PCDHA8: variants seen among roughly 807,000 people sequenced by gnomAD.
PCDHA8 encodes the protein protocadherin alpha-8.
Under a neutral mutation model 61.8 loss-of-function variants are expected in PCDHA8, and 53 were observed. That is an observed-to-expected ratio of 0.86 (90% CI 0.69 to 1.08). The LOEUF (loss-of-function observed/expected upper bound fraction) is 1.08, where lower values mean the gene tolerates loss of function less well. Among genes scored for constraint, PCDHA8 ranks in the 50% least tolerant of loss-of-function variants. The pLI is 0.00. For missense variants in PCDHA8, 1,293 were observed against 1,245.0 expected, an observed-to-expected ratio of 1.04 and a Z score of -0.58; for synonymous variants, 618 against 556.6, an observed-to-expected ratio of 1.11 and a Z score of -1.55.
chr5:140,843,040 T>C lies in PCDHA8; in HGVS notation c.1719T>C (p.Thr573=), dbSNP rs2150350832. 22 of 1,595,034 alleles carry C rather than the reference T, an allele frequency of 1.4e-5. 3 individuals are homozygous for C. The highest frequency in any genetic ancestry group is 1.2e-4 in the Admixed American group (7 of 59,274). The change falls in exon 1 of 4, where the codon ACT becomes ACC. Residue 573 remains threonine, a synonymous_variant. Coordinates refer to ENST00000531613, the MANE Select transcript of PCDHA8 (RefSeq NM_018911.3). ...TGCTGGAGCCTCGGGTGGGTGGCACTGGTGGCGCAGCGAGCAAGCTGGTGC... is the reference window on the plus strand; with the variant it reads ...TGCTGGAGCCTCGGGTGGGTGGCACCGGTGGCGCAGCGAGCAAGCTGGTGC... ...PALLEPRVGG[T]GGAASKLVPR...
chr5:140,993,177 C>A lies in PCDHA8; in HGVS notation c.2542+10614C>A, dbSNP rs551395516. ...CTAAATATTTGCCTTTGGGAAATTTCTTTAGAGGGAAACTCACTAAAGCTA... is the reference window on the plus strand; with the variant it reads ...CTAAATATTTGCCTTTGGGAAATTTATTTAGAGGGAAACTCACTAAAGCTA... On this transcript the variant is annotated intron_variant, in intron 3 of 3. Transcript: ENST00000531613. 6.6e-5 allele frequency among the ~76,000 whole-genome samples: 10 copies of A among 152,258 alleles called. No homozygotes were observed. In the East Asian group the frequency reaches 1.9e-3, roughly 29 times the overall value.
rs143002904 is a variant in PCDHA8, at chr5:140,856,290, G to T, written c.2394+12575G>T. 5.0e-6 allele frequency: 8 copies of T among 1,598,368 alleles called. 2 individuals are homozygous for T. The African/African-American group carries it at 8.1e-5, about 16-fold the overall frequency. ...CTTCTGGAGGTAAATCTGCAGAATGGCATTTTGTTTGTGAATTCTCGGATT... is the reference window on the plus strand; with the variant it reads ...CTTCTGGAGGTAAATCTGCAGAATGTCATTTTGTTTGTGAATTCTCGGATT... On this transcript the variant is annotated intron_variant, in intron 1 of 3. Coordinates refer to ENST00000531613, the MANE Select transcript of PCDHA8 (RefSeq NM_018911.3).
In PCDHA8 at chr5:140,928,891, T is replaced by A. The variant is rs1299939193; in HGVS notation, c.2395-50058T>A. On this transcript the variant is annotated intron_variant, in intron 1 of 3. Coordinates refer to ENST00000531613, the MANE Select transcript of PCDHA8 (RefSeq NM_018911.3). ...CTCTGTCCCTCAGTTACTTCCAGAC[T>A]TTGAAGATGTCTGGGAACCAGGAGG... 1.2e-6 allele frequency: 2 copies of A among 1,614,066 alleles called. No individual in the cohort carries two copies. The highest frequency in any genetic ancestry group is 2.7e-5 in the African/African-American group (2 of 74,942).
At chr5:140,861,543 C>G (rs1554154929) in intron 1 of PCDHA8, 2 of 424,418 alleles carry the variant, frequency 4.7e-6, no homozygotes, top group East Asian at 7.1e-5. Flanking sequence ...CAGCATCCAC[C>G]TGGAAGTGAT....
At chr5:140,856,264 C>A (rs1309055685) in intron 1 of PCDHA8, 7 of 1,598,114 alleles carry the variant, frequency 4.4e-6, no homozygotes, top group South Asian at 3.3e-5. Flanking sequence ...GACACGGGGA[C>A]CTTCTGGAGG....
chr5:140,969,549 C>G (rs1213967618), intron 1 of PCDHA8: 33 of 1,238,058 alleles, frequency 2.7e-5, no homozygotes, highest in Non-Finnish European at 3.4e-5. Flanking sequence ...AGGCATGAAG[C>G]CTTGTCCATA....
chr5:140,974,884 T>A (rs1485443373), intron 1 of PCDHA8, among the ~76,000 whole-genome samples: 1 of 152,240 alleles, frequency 6.6e-6, no homozygotes, highest in Non-Finnish European at 1.5e-5. Context: ...TATGTATCCC[T>A]TTTCTGATGA....
chr5:140,927,272 G>A lies in PCDHA8; in HGVS notation c.2395-51677G>A, dbSNP rs782403423. 3.7e-6 allele frequency: 6 copies of A among 1,613,966 alleles called. No homozygotes were observed. Among genetic ancestry groups the A allele is most frequent in the African/African-American group, 1.3e-5 (1 of 74,910 alleles). ...GACAACTCACCTCTCTTTCCTGCCG[G>A]CGACGTGCAGCTGCACATCCCCGAG... On this transcript the variant is annotated intron_variant, in intron 1 of 3. Transcript: ENST00000531613.
chr5:140,860,328 C>G (rs971322066), intron 1 of PCDHA8: 8 of 151,880 alleles, frequency 5.3e-5, no homozygotes, highest in Non-Finnish European at 1.0e-4. Context: ...CTGCAGTGAC[C>G]CATGATTGTG....
Position 140,843,438 on chromosome 5 carries a change from C to A in PCDHA8, c.2117C>A (p.Ala706Glu), listed in dbSNP as rs2150359947. 1.3e-4 allele frequency: 208 copies of A among 1,596,096 alleles called. 21 individuals are homozygous for A. The South Asian group carries it at 1.5e-3, about 11-fold the overall frequency. The part of the protein sequence containing the change: ...VNVYLIIAIC[A>E]VSSLLVLTLL... Reference sequence around the variant, plus strand: ...GTGTACCTGATCATCGCCATCTGCGCGGTATCCAGCCTGCTGGTGCTCACG... The same window carrying A: ...GTGTACCTGATCATCGCCATCTGCGAGGTATCCAGCCTGCTGGTGCTCACG... The change falls in exon 1 of 4, where the codon GCG becomes GAG. Residue 706 changes from alanine to glutamate, a missense_variant. Physicochemically the swap from Ala to Glu is moderately radical, Grantham distance 107 (BLOSUM62 -1). Transcript: ENST00000531613.
chr5:140,870,420 G>C lies in PCDHA8; in HGVS notation c.2394+26705G>C, dbSNP rs371557347. 1.3e-4 allele frequency: 208 copies of C among 1,614,234 alleles called. No homozygotes were observed. The highest frequency in any genetic ancestry group is 1.7e-4 in the Non-Finnish European group (202 of 1,180,052). Reference sequence around the variant, plus strand: ...CGCCTTCTCTGTGGGCCACGGCCAGGGTATCCGTGGAGGTGGCCGACGTGA... The same window carrying C: ...CGCCTTCTCTGTGGGCCACGGCCAGCGTATCCGTGGAGGTGGCCGACGTGA... On this transcript the variant is annotated intron_variant, in intron 1 of 3. Transcript: ENST00000531613.
chr5:140,897,701 C>T (rs1161358145), intron 1 of PCDHA8, among the ~76,000 whole-genome samples: 58 of 152,238 alleles, frequency 3.8e-4, no homozygotes, highest in Non-Finnish European at 7.4e-4. Flanking sequence ...TGGGCATATA[C>T]CCAGTAATGG....
intron 1 of PCDHA8, among the ~76,000 whole-genome samples, chr5:140,923,228 CCAGAA>C (rs2081257346): frequency 1.4e-5 from 1 of 71,808 alleles, no homozygotes; most frequent in Admixed American, 1.5e-4. Flanking sequence ...TCGTTTGAGC[CCAGAA>C]GTTTGAGACC....
At chr5:140,861,474 G>A in intron 1 of PCDHA8, 1 of 493,958 alleles carries the variant, frequency 2.0e-6, no homozygotes, top group East Asian at 5.8e-5. Context: ...TCTGCAGAAT[G>A]GCATTTTTGT....
Position 140,927,948 on chromosome 5 carries a change from C to T in PCDHA8, c.2395-51001C>T, listed in dbSNP as rs1012110026. The T allele has an allele frequency of 4.3e-6, 7 of 1,614,072 alleles. No homozygotes were observed. In the African/African-American group the frequency reaches 5.3e-5, roughly 12 times the overall value. On this transcript the variant is annotated intron_variant, in intron 1 of 3. Transcript: ENST00000531613. The stretch of plus-strand genomic sequence containing the variant: ...CTCTTTCGAACCCAGTACCTGAGGA[C>T]GCTGCCCCTGGCACAGTGATTGCTC...
chr5:140,869,091 A>C, intron 1 of PCDHA8: 1 of 1,591,040 alleles, frequency 6.3e-7, no homozygotes, highest in Non-Finnish European at 8.6e-7. Context: ...TTTGGAAGCC[A>C]ATTTCGTATG....
At chr5:140,888,558 C>G (rs782768307) in intron 1 of PCDHA8, among the ~76,000 whole-genome samples, 1 of 152,188 alleles carries the variant, frequency 6.6e-6, no homozygotes, top group Non-Finnish European at 1.5e-5. Flanking sequence ...TTATTCCTTT[C>G]AAGGCTTCAT....
chr5:141,007,647 A>T (rs1554261419), intron 3 of PCDHA8, among the ~76,000 whole-genome samples: 1 of 152,174 alleles, frequency 6.6e-6, no homozygotes, highest in Admixed American at 6.5e-5. Context: ...GTATTTGCCT[A>T]AAAAACCATA....
intron 2 of PCDHA8, among the ~76,000 whole-genome samples, chr5:140,980,460 T>G (rs1554241839): frequency 6.6e-6 from 1 of 152,134 alleles, no homozygotes; most frequent in Non-Finnish European, 1.5e-5. Flanking sequence ...TGAAACCCTG[T>G]CTCTACTAAA....
Sources: gnomAD v4.1 joint callset for allele counts (sites outside exome capture counted in the v4.1 genomes callset) on GRCh38, gnomAD v4.1.1 for gene constraint, MANE v1.5 for transcripts, NCBI Gene and HGNC (gene_info 2026-07-23, HGNC 2026-07-21) for gene names.